The following KPNA5 variants were observed in gnomAD, a reference collection of about 807,000 sequenced individuals.
KPNA5 encodes karyopherin subunit alpha 5.
In KPNA5, 46 loss-of-function variants were observed where a neutral mutation model predicts 71.3. That is an observed-to-expected ratio of 0.65 (90% CI 0.51 to 0.83). The LOEUF is 0.83. KPNA5 is among the 40% of genes least tolerant of loss of function. KPNA5 has a pLI of 0.00. For missense variants in KPNA5, 547 were observed against 628.3 expected (o/e 0.87, Z 1.38); for synonymous variants, 207 against 201.4 (o/e 1.03, Z -0.24).
chr6:116,690,023 G>T (rs1777733888), intron 2 of KPNA5, among the ~76,000 whole-genome samples: 1 of 151,820 alleles, frequency 6.6e-6, no homozygotes, highest in Non-Finnish European at 1.5e-5. Context: ...TCACACATGT[G>T]AATTAAAACT....
In KPNA5 at chr6:116,738,477, G is replaced by A. The variant is rs1221759686; in HGVS notation, c.*6154G>A. The A allele has an allele frequency of 6.6e-6, 1 of 151,996 alleles. No individual in the cohort carries two copies. The highest frequency in any genetic ancestry group is 1.5e-5 in the Non-Finnish European group (1 of 67,992). The allele number at this position is 151,996 out of a possible 1,614,324, so 9.4% of individuals were successfully genotyped here. ...ACTATTCCAATCAATAGAAAAAGAG[G>A]GAATCCTCCCTAACTCATTTTCTGA... is the stretch of plus-strand genomic sequence containing the variant. On this transcript the variant is annotated 3_prime_UTR_variant, in exon 14 of 14. Transcript: ENST00000368564.
Position 116,732,660 on chromosome 6 carries a change from G to C in KPNA5, c.*337G>C, listed in dbSNP as rs914741345. 1.9e-5 allele frequency: 3 copies of C among 155,496 alleles called. No individual in the cohort carries two copies. The highest frequency in any genetic ancestry group is 4.3e-5 in the Non-Finnish European group (3 of 70,332). 9.6% of individuals were successfully genotyped at this position (155,496 alleles called of 1,614,324 possible). ...ACTTAGTAATTCTGAATTTTTTCAA[G>C]CATTCTTGGAAACTGCACATTAGCA... On this transcript the variant is annotated 3_prime_UTR_variant, in exon 14 of 14. Transcript: ENST00000368564.
chr6:116,736,130 A>C lies in KPNA5; in HGVS notation c.*3807A>C, dbSNP rs1248886573. 1.3e-5 allele frequency: 2 copies of C among 151,876 alleles called. No individual in the cohort carries two copies. Among genetic ancestry groups the C allele is most frequent in the Non-Finnish European group, 2.9e-5 (2 of 67,854 alleles). The allele number at this position is 151,876 out of a possible 1,614,324, so 9.4% of individuals were successfully genotyped here. ...CATTTGATAAAGGGATCAATTCATG[A>C]TAGTCAAAATGTAGAAACAAATGTT... On this transcript the variant is annotated 3_prime_UTR_variant, in exon 14 of 14. Coordinates refer to ENST00000368564, the MANE Select transcript of KPNA5 (RefSeq NM_001366306.2).
chr6:116,718,808 C>A (rs9481664), intron 8 of KPNA5, among the ~76,000 whole-genome samples: 7,763 of 151,480 alleles, frequency 0.051, 585 homozygotes, highest in African/African-American at 0.17. Context: ...CACTCTGTCG[C>A]CCAGGCTGGA....
rs1223916951 is a variant in KPNA5, at chr6:116,735,552, C to G, written c.*3229C>G. On this transcript the variant is annotated 3_prime_UTR_variant, in exon 14 of 14. Transcript: ENST00000368564. Reference sequence around the variant, plus strand: ...AGTAAGAAGAGAAGATATTCTTACCCTACTAAATAAACCAACTTTTGAGTA... The same window carrying G: ...AGTAAGAAGAGAAGATATTCTTACCGTACTAAATAAACCAACTTTTGAGTA... The G allele has an allele frequency of 2.0e-5, 3 of 151,510 alleles. No individual in the cohort carries two copies. The highest frequency in any genetic ancestry group is 4.4e-5 in the Non-Finnish European group (3 of 67,670). The allele number at this position is 151,510 out of a possible 1,614,324, so 9.4% of individuals were successfully genotyped here.
At position 116,692,335 on chromosome 6, in the gene KPNA5, A is replaced by G; in HGVS notation, c.283A>G (p.Asn95Asp). 1.2e-6 allele frequency: 2 copies of G among 1,605,472 alleles called. No homozygotes were observed. Among genetic ancestry groups the G allele is most frequent in the Non-Finnish European group, 8.5e-7 (1 of 1,177,528 alleles). Residue 95 changes from asparagine (N) to aspartate (D), a missense_variant, in exon 4 of 14, where the codon AAT becomes GAT. Asn to Asp is a conservative substitution (Grantham distance 23, BLOSUM62 1). Coordinates refer to ENST00000368564, the MANE Select transcript of KPNA5 (RefSeq NM_001366306.2). ...TTDMVQMIFS[N>D]NADQQLTATQ... Reference sequence around the variant, plus strand: ...AGATATGGTTCAGATGATTTTTTCTAATAATGCTGATCAACAGCTAACAGC... The same window carrying G: ...AGATATGGTTCAGATGATTTTTTCTGATAATGCTGATCAACAGCTAACAGC...
intron 8 of KPNA5, among the ~76,000 whole-genome samples, chr6:116,716,714 G>C (rs897623865): frequency 6.6e-6 from 1 of 152,006 alleles, no homozygotes; most frequent in African/African-American, 2.4e-5. Flanking sequence ...CTGATATTTT[G>C]CCTCTAGAAA....
rs1265881241 is a variant in KPNA5 at position 116,737,059 on chromosome 6, C to G, written c.*4736C>G. On this transcript the variant is annotated 3_prime_UTR_variant, in exon 14 of 14. Transcript: ENST00000368564. ...TTTTTTTATTATGAGTTGTATTTTT[C>G]ATTTGCATGCGTTTACATGTTTGGA... The G allele has an allele frequency of 6.6e-6, 1 of 151,784 alleles. No homozygotes were observed. The highest frequency in any genetic ancestry group is 6.6e-5 in the Admixed American group (1 of 15,176). 9.4% of individuals were successfully genotyped at this position (151,784 alleles called of 1,614,324 possible).
intron 12 of KPNA5, among the ~76,000 whole-genome samples, chr6:116,727,101 G>C (rs577061488): frequency 6.6e-6 from 1 of 151,474 alleles, no homozygotes; most frequent in East Asian, 1.9e-4. Flanking sequence ...TTTTATATTA[G>C]CTTTTTGAGT....
At chr6:116,697,587 C>T (rs1429143731) in intron 4 of KPNA5, among the ~76,000 whole-genome samples, 2 of 151,960 alleles carry the variant, frequency 1.3e-5, no homozygotes, top group African/African-American at 2.4e-5. Context: ...CTTATTCATC[C>T]TACTCATCAA....
chr6:116,725,707 T>A (rs1779263301), intron 10 of KPNA5, 44 bp from the exon 11 acceptor site: 7 of 1,501,214 alleles, frequency 4.7e-6, no homozygotes, highest in Non-Finnish European at 6.4e-6. Context: ...TCATATAGGT[T>A]ATTTACTATA....
At chr6:116,698,617 A>C in intron 4 of KPNA5, 87 bp from the exon 5 acceptor site, 2 of 717,210 alleles carry the variant, frequency 2.8e-6, no homozygotes, top group South Asian at 3.6e-5. Context: ...GGAAAGAGTT[A>C]TTTTATGTGC....
At position 116,706,790 on chromosome 6, in the gene KPNA5, A is replaced by C. The variant is rs1039326225; in HGVS notation, c.656+1630A>C. ...TAGAAAGTTTCAAAGTATTTAAAAA[A>C]ATAAGAAAAGTAATTAAAAGGAAGT... On this transcript the variant is annotated intron_variant, in intron 7 of 13. Coordinates refer to ENST00000368564, the MANE Select transcript of KPNA5 (RefSeq NM_001366306.2). 4.2e-4 allele frequency among the ~76,000 whole-genome samples: 64 copies of C among 152,224 alleles called. 3 individuals carry two copies. Among genetic ancestry groups the C allele is most frequent in the Non-Finnish European group, 4.4e-5 (3 of 68,038 alleles).
At position 116,735,009 on chromosome 6, in the gene KPNA5, T is replaced by G. The variant is rs1409384780; in HGVS notation, c.*2686T>G. 2.6e-5 allele frequency: 4 copies of G among 151,776 alleles called. No individual in the cohort carries two copies. Among genetic ancestry groups the G allele is most frequent in the Non-Finnish European group, 4.4e-5 (3 of 67,770 alleles). The allele number at this position is 151,776 out of a possible 1,614,324, so 9.4% of individuals were successfully genotyped here. A position where few individuals can be genotyped will look rare whatever the true frequency, so the allele number is the denominator to read the frequency against. On this transcript the variant is annotated 3_prime_UTR_variant, in exon 14 of 14. Coordinates refer to ENST00000368564, the MANE Select transcript of KPNA5 (RefSeq NM_001366306.2). The stretch of plus-strand genomic sequence containing the variant: ...GAATCTGAATTTCTCCTATTTAATC[T>G]ATGCAATTATGCTTGTTTTATATTT...
At position 116,719,718 on chromosome 6, in the gene KPNA5, A is replaced by C. The variant is rs1779035281; in HGVS notation, c.757-2408A>C. ...TAAAAAATTAGCTGACTGTGGTAGC[A>C]CATGCCTGTACTCCCAGCTACTCAG... On this transcript the variant is annotated intron_variant, in intron 8 of 13. Transcript: ENST00000368564. Among the ~76,000 whole-genome samples the C allele has an allele frequency of 2.0e-5, 3 of 152,124 alleles. No individual in the cohort carries two copies. The South Asian group carries it at 6.2e-4, about 32-fold the overall frequency.
chr6:116,690,307 G>C (rs10046288), intron 2 of KPNA5, among the ~76,000 whole-genome samples: 3,226 of 152,188 alleles, frequency 0.021, 115 homozygotes, highest in African/African-American at 0.074. Flanking sequence ...CATTATAGTA[G>C]GTACTAAAAA....
At position 116,705,104 on chromosome 6, in the gene KPNA5, C is replaced by T. The variant is rs1167578357; in HGVS notation, c.600C>T (p.Asp200=). 3 of 1,612,114 alleles carry T rather than the reference C, an allele frequency of 1.9e-6. No individual in the cohort carries two copies. The highest frequency in any genetic ancestry group is 1.7e-5 in the Admixed American group (1 of 59,912). Residue 200 remains aspartate, a synonymous_variant, in exon 7 of 14, where the codon GAC becomes GAT. Coordinates refer to ENST00000368564, the MANE Select transcript of KPNA5 (RefSeq NM_001366306.2). ...AVWALGNIAG[D]NAECRDFVLN... Reference sequence around the variant, plus strand: ...GGGCACTTGGTAATATTGCTGGTGACAATGCAGAATGCAGAGATTTTGTTT... The same window carrying T: ...GGGCACTTGGTAATATTGCTGGTGATAATGCAGAATGCAGAGATTTTGTTT...
chr6:116,704,505 A>G (rs1448519398), intron 6 of KPNA5, among the ~76,000 whole-genome samples: 1 of 152,234 alleles, frequency 6.6e-6, no homozygotes, highest in Non-Finnish European at 1.5e-5. Flanking sequence ...AATTTGCTAA[A>G]TAGATGTATT....
chr6:116,692,496 C>CTA, intron 4 of KPNA5, 104 bp downstream of exon 4: 1 of 721,450 alleles, frequency 1.4e-6, no homozygotes, highest in East Asian at 2.8e-5. Flanking sequence ...CTTTGCTAGA[C>CTA]ACAGGTGTTA....
Sources: allele counts gnomAD v4.1 joint callset (sites outside exome capture counted in the v4.1 genomes callset), GRCh38; gene constraint gnomAD v4.1.1; transcripts MANE v1.5; gene names NCBI Gene and HGNC (gene_info 2026-07-23, HGNC 2026-07-21).